Variants in HACD1 observed in about 807,000 individuals in gnomAD.
HACD1 encodes the protein 3-hydroxyacyl-CoA dehydratase 1.
Under a neutral mutation model 32.0 loss-of-function variants are expected in HACD1, and 41 were observed. The observed-to-expected ratio is 1.28, with a 90% CI of 1.00 to 1.66. HACD1 has a LOEUF of 1.66. Ranked by LOEUF, HACD1 falls within the 40% of genes most tolerant of loss-of-function variation. HACD1 has a pLI of 0.00. For synonymous variants in HACD1, 142 were observed against 139.0 expected, an observed-to-expected ratio of 1.02 and a Z score of -0.15; for missense variants, 396 against 380.1, an observed-to-expected ratio of 1.04 and a Z score of -0.35.
chr10:17,600,771 G>A (rs1312095434), intron 4 of HACD1, among the ~76,000 whole-genome samples: 7 of 152,218 alleles, frequency 4.6e-5, no homozygotes, highest in South Asian at 4.1e-4. Flanking sequence ...CACTCCCTAC[G>A]TCAGACTAAG....
At chr10:17,600,614 C>T (rs10128133) in intron 4 of HACD1, among the ~76,000 whole-genome samples, 1,883 of 152,198 alleles carry the variant, frequency 0.012, 26 homozygotes, top group African/African-American at 0.042. Context: ...GCATGAGCCA[C>T]CATGCCCAGC....
chr10:17,615,606 G>A (rs1833064671), intron 1 of HACD1: 1 of 155,874 alleles, frequency 6.4e-6, no homozygotes, highest in African/African-American at 2.4e-5. Flanking sequence ...AGGATTGCTT[G>A]AGGCCGGGAG....
At chr10:17,592,600 G>A (rs1833943124) in intron 6 of HACD1, among the ~76,000 whole-genome samples, 9 of 152,082 alleles carry the variant, frequency 5.9e-5, no homozygotes, top group Admixed American at 5.9e-4. Context: ...ACTGAAAAAG[G>A]TGCTTCAGGC....
At chr10:17,599,136 C>T (rs182941036) in intron 5 of HACD1, 154 bp downstream of exon 5, 1 of 1,257,500 alleles carries the variant, frequency 8.0e-7, no homozygotes, top group Non-Finnish European at 1.0e-6. Context: ...GAATACAAAT[C>T]ATAACTTGTA....
At chr10:17,605,249 G>T (rs1554816948) in intron 1 of HACD1, among the ~76,000 whole-genome samples, 1 of 152,150 alleles carries the variant, frequency 6.6e-6, no homozygotes, top group African/African-American at 2.4e-5. Flanking sequence ...GATGGGCCGG[G>T]TGCAGTGGCT....
At position 17,590,183 on chromosome 10, in the gene HACD1, G is replaced by T; in HGVS notation, c.*181C>A. The T allele has an allele frequency of 2.5e-6, 1 of 405,734 alleles. No individual in the cohort carries two copies. The highest frequency in any genetic ancestry group is 3.9e-5 in the East Asian group (1 of 25,504). The allele number at this position is 405,734 out of a possible 1,614,324, so 25.1% of individuals were successfully genotyped here. On this transcript the variant is annotated 3_prime_UTR_variant, in exon 7 of 7. Coordinates refer to ENST00000361271, the MANE Select transcript of HACD1 (RefSeq NM_014241.4). ...AGTTACTGATATTTGCACAGTTCTTGTAAAAAATAGATCTGGCACAAGAGG... is the reference window on the plus strand; with the variant it reads ...AGTTACTGATATTTGCACAGTTCTTTTAAAAAATAGATCTGGCACAAGAGG...
rs1554816811 is a variant in HACD1, at chr10:17,603,929, C to T, written c.375+1G>A. The T allele has an allele frequency of 1.3e-6, 2 of 1,593,624 alleles. No individual in the cohort carries two copies. The highest frequency in any genetic ancestry group is 1.7e-6 in the Non-Finnish European group (2 of 1,163,488). ...GAAAAACAGCATGATGGAAAACTTA[C>T]CTCAAGCAAGGCAAATGTCTGGAAA... is the stretch of plus-strand genomic sequence containing the variant. On this transcript the variant is annotated splice_donor_variant, in intron 2 of 6. Transcript: ENST00000361271. LOFTEE classifies it high-confidence loss of function.
At chr10:17,615,041 C>A (rs954267718) in intron 1 of HACD1, among the ~76,000 whole-genome samples, 1 of 152,182 alleles carries the variant, frequency 6.6e-6, no homozygotes, top group Non-Finnish European at 1.5e-5. Context: ...CGTGAGCCAC[C>A]GCGCCCGGCT....
intron 1 of HACD1, among the ~76,000 whole-genome samples, chr10:17,616,194 G>A (rs1399570827): frequency 6.6e-6 from 1 of 151,828 alleles, no homozygotes; most frequent in Non-Finnish European, 1.5e-5. Context: ...GCATGAACCC[G>A]GGAGGCGGAG....
At chr10:17,602,686 C>G (rs1834088077) in intron 4 of HACD1, among the ~76,000 whole-genome samples, 1 of 152,126 alleles carries the variant, frequency 6.6e-6, no homozygotes, top group South Asian at 2.1e-4. Context: ...TCACTATTCT[C>G]TTAGCAATTT....
At chr10:17,604,559 C>G (rs1275436979) in intron 1 of HACD1, among the ~76,000 whole-genome samples, 16 of 150,940 alleles carry the variant, frequency 1.1e-4, no homozygotes, top group South Asian at 2.1e-4. Context: ...GAAATTCTGA[C>G]ATATCATGCA....
intron 6 of HACD1, among the ~76,000 whole-genome samples, chr10:17,592,538 T>C (rs1010397367): frequency 6.6e-6 from 1 of 151,950 alleles, no homozygotes; most frequent in Admixed American, 6.6e-5. Flanking sequence ...GGCAGCATGG[T>C]GAACTGGGAA....
intron 5 of HACD1, among the ~76,000 whole-genome samples, chr10:17,598,351 T>A: frequency 6.6e-6 from 1 of 151,760 alleles, no homozygotes. Context: ...AATTTAAAAG[T>A]GGTTTTCCTT....
chr10:17,607,040 T>C (rs1043997637), intron 1 of HACD1, among the ~76,000 whole-genome samples: 3 of 152,154 alleles, frequency 2.0e-5, no homozygotes, highest in African/African-American at 7.2e-5. Flanking sequence ...TGCCCTGAGA[T>C]ACCAGTTAAT....
At chr10:17,614,419 G>A (rs1392986970) in intron 1 of HACD1, among the ~76,000 whole-genome samples, 1 of 152,144 alleles carries the variant, frequency 6.6e-6, no homozygotes, top group East Asian at 1.9e-4. Flanking sequence ...ACCATGCCCG[G>A]CTAATTTTTG....
chr10:17,597,430 G>A (rs758573775), intron 5 of HACD1, among the ~76,000 whole-genome samples: 30 of 152,140 alleles, frequency 2.0e-4, no homozygotes, highest in African/African-American at 6.5e-4. Flanking sequence ...GAGCCACCAC[G>A]CCCAGCCTGC....
intron 1 of HACD1, 26 bp from the exon 2 acceptor site, chr10:17,604,073 GTTCT>G: frequency 6.9e-7 from 1 of 1,445,036 alleles, no homozygotes; most frequent in Non-Finnish European, 9.5e-7. Flanking sequence ...ATTTCATAAA[GTTCT>G]TTCGAACTTA....
In HACD1 at chr10:17,617,262, G is replaced by A. The variant is rs1554818278; in HGVS notation, c.78C>T (p.Leu26=). 3 of 1,474,480 alleles carry A rather than the reference G, an allele frequency of 2.0e-6. No individual in the cohort carries two copies. The South Asian group carries it at 3.8e-5, about 19-fold the overall frequency. The allele number at this position is 1,474,480 out of a possible 1,614,324, so 91.3% of individuals were successfully genotyped here. Residue 26 remains leucine, a synonymous_variant, in exon 1 of 7, where the codon CTC becomes CTT. Transcript: ENST00000361271. ...TGGGGGACGTGGGAGACAGCGGCAG[G>A]AGCGTGGGAGGGGACCCTGCCCAGC... ...AAGWAGSPPT[L]LPLSPTSPRC...
At chr10:17,609,797 C>T (rs1554817322) in intron 1 of HACD1, among the ~76,000 whole-genome samples, 1 of 151,542 alleles carries the variant, frequency 6.6e-6, no homozygotes, top group Admixed American at 6.6e-5. Context: ...GCTGGCCAAC[C>T]TGGTGAAACC....
Sources: allele counts gnomAD v4.1 joint callset (sites outside exome capture counted in the v4.1 genomes callset), GRCh38; gene constraint gnomAD v4.1.1; transcripts MANE v1.5; gene names NCBI Gene and HGNC (gene_info 2026-07-23, HGNC 2026-07-21).